CAB39L: variants seen among roughly 807,000 people sequenced by gnomAD.
CAB39L encodes the protein calcium-binding protein 39-like.
A neutral mutation model predicts 39.1 loss-of-function variants in CAB39L; 23 were observed. The observed-to-expected ratio is 0.59, with a 90% CI of 0.42 to 0.83. The LOEUF (loss-of-function observed/expected upper bound fraction) is 0.83. Among genes scored for constraint, CAB39L ranks in the 40% least tolerant of loss-of-function variants. The pLI is 0.00. For synonymous variants in CAB39L, 126 were observed against 137.2 expected, an observed-to-expected ratio of 0.92 and a Z score of 0.57; for missense variants, 366 against 391.9, an observed-to-expected ratio of 0.93 and a Z score of 0.56.
At chr13:49,406,166 GCTCTT>G (rs1566122589) in intron 3 of CAB39L, among the ~76,000 whole-genome samples, 1 of 144,120 alleles carries the variant, frequency 6.9e-6, no homozygotes. Context: ...CAATTGGAAT[GCTCTT>G]TTTTTTTTTT....
chr13:49,417,463 C>T (rs1225098654), intron 3 of CAB39L, among the ~76,000 whole-genome samples: 1 of 152,178 alleles, frequency 6.6e-6, no homozygotes, highest in Non-Finnish European at 1.5e-5. Flanking sequence ...TTTAACACTA[C>T]TGTACCAGAT....
chr13:49,373,089 G>T (rs191064812), intron 5 of CAB39L, among the ~76,000 whole-genome samples: 2 of 152,260 alleles, frequency 1.3e-5, no homozygotes. Flanking sequence ...TTTATGAAAG[G>T]TTCCTCAGTC....
At position 49,332,067 on chromosome 13, in the gene CAB39L, G is replaced by C. The variant is rs1954716419; in HGVS notation, c.714C>G (p.Asp238Glu). Residue 238 changes from aspartate to glutamate, a missense_variant, in exon 10 of 11, where the codon GAC becomes GAG. By Grantham distance (45) the Asp-to-Glu change is conservative. Coordinates refer to ENST00000409308, the MANE Select transcript of CAB39L (RefSeq NM_001079670.3). ...TTGTCATGATGGCAAAGTTGTGACGGTCCAGGATCAGCTCCCCTAGCAGCT... is the reference window on the plus strand; with the variant it reads ...TTGTCATGATGGCAAAGTTGTGACGCTCCAGGATCAGCTCCCCTAGCAGCT... ...SLKLLGELIL[D>E]RHNFAIMTKY... 1 of 1,613,824 alleles carries C rather than the reference G, an allele frequency of 6.2e-7. No individual in the cohort carries two copies. Among genetic ancestry groups the C allele is most frequent in the Non-Finnish European group, 8.5e-7 (1 of 1,179,814 alleles).
intron 5 of CAB39L, among the ~76,000 whole-genome samples, chr13:49,369,822 A>G (rs1291252798): frequency 6.6e-6 from 1 of 152,044 alleles, no homozygotes; most frequent in Non-Finnish European, 1.5e-5. Flanking sequence ...TCCTGACCTC[A>G]TGATCTGCCC....
At chr13:49,429,664 C>T (rs550006062) in intron 3 of CAB39L, among the ~76,000 whole-genome samples, 1 of 152,268 alleles carries the variant, frequency 6.6e-6, no homozygotes, top group South Asian at 2.1e-4. Flanking sequence ...AAAGATGCTA[C>T]CAGCATGAGT....
rs754701964 is a variant in CAB39L, at chr13:49,310,801, G to C, written c.*13C>G. The C allele has an allele frequency of 1.2e-6, 2 of 1,612,556 alleles. No individual in the cohort carries two copies. The highest frequency in any genetic ancestry group is 2.7e-5 in the African/African-American group (2 of 74,828). The stretch of plus-strand genomic sequence containing the variant: ...AATGAGACGACTGACTGTGACAGGG[G>C]CCGGGGAGCTCTTCAAGGGGCCGTT... On this transcript the variant is annotated 3_prime_UTR_variant, in exon 11 of 11. Coordinates refer to ENST00000409308, the MANE Select transcript of CAB39L (RefSeq NM_001079670.3).
intron 1 of CAB39L, among the ~76,000 whole-genome samples, chr13:49,441,417 A>C (rs1957521212): frequency 6.6e-6 from 1 of 151,900 alleles, no homozygotes; most frequent in Non-Finnish European, 1.5e-5. Context: ...TCTCCAAAAA[A>C]TTAGCCAGGC....
At chr13:49,319,054 G>A (rs1954273162) in intron 10 of CAB39L, among the ~76,000 whole-genome samples, 1 of 152,102 alleles carries the variant, frequency 6.6e-6, no homozygotes, top group Non-Finnish European at 1.5e-5. Flanking sequence ...GACCAGCCTA[G>A]CCAACATAGT....
rs1954708176 is a variant in CAB39L at position 49,331,868 on chromosome 13, G to A, written c.834+79C>T. The A allele has an allele frequency of 1.5e-6, 2 of 1,320,986 alleles. 1 individual carries two copies. Among genetic ancestry groups the A allele is most frequent in the Middle Eastern group, 3.8e-4 (2 of 5,230 alleles). 81.8% of individuals were successfully genotyped at this position (1,320,986 alleles called of 1,614,324 possible). A position where few individuals can be genotyped will look rare whatever the true frequency, so the allele number is the denominator to read the frequency against. ...CATTTTCTTTCAAGTATGAAGGAGA[G>A]TAAAGAGCAGGGAGTTTGCCATTTG... On this transcript the variant is annotated intron_variant, in intron 10 of 10. Coordinates refer to ENST00000409308, the MANE Select transcript of CAB39L (RefSeq NM_001079670.3).
rs373409775 is a variant in CAB39L at position 49,310,820 on chromosome 13, G to C, written c.1008C>G (p.Ala336=). The change falls in exon 11 of 11, where the codon GCC becomes GCG. Residue 336 remains alanine (A), a synonymous_variant. Coordinates refer to ENST00000409308, the MANE Select transcript of CAB39L (RefSeq NM_001079670.3). ...ACAGGGGCCGGGGAGCTCTTCAAGG[G>C]GCCGTTTTCTTCAAGTCTCGGATCT... The part of the protein sequence containing the change: ...IKQIRDLKKT[A]P The C allele has an allele frequency of 4.2e-5, 67 of 1,613,774 alleles. No individual in the cohort carries two copies. Among genetic ancestry groups the C allele is most frequent in the Non-Finnish European group, 5.5e-5 (65 of 1,179,878 alleles).
At chr13:49,322,931 T>C (rs1164902815) in intron 10 of CAB39L, among the ~76,000 whole-genome samples, 3 of 152,250 alleles carry the variant, frequency 2.0e-5, no homozygotes, top group African/African-American at 7.2e-5. Context: ...GCTTGCATTA[T>C]GATATTCTAT....
At chr13:49,364,006 C>A (rs1566091512) in intron 5 of CAB39L, among the ~76,000 whole-genome samples, 1 of 151,722 alleles carries the variant, frequency 6.6e-6, no homozygotes, top group Non-Finnish European at 1.5e-5. Flanking sequence ...CAAACAAAAC[C>A]AAGCAGGAGT....
At chr13:49,329,003 A>G (rs1942696600) in intron 10 of CAB39L, among the ~76,000 whole-genome samples, 1 of 152,192 alleles carries the variant, frequency 6.6e-6, no homozygotes, top group African/African-American at 2.4e-5. Flanking sequence ...ACTGCAGGGT[A>G]AGATTCTCTA....
chr13:49,360,684 G>A (rs1955607376), intron 5 of CAB39L, among the ~76,000 whole-genome samples: 3 of 152,096 alleles, frequency 2.0e-5, no homozygotes, highest in Non-Finnish European at 4.4e-5. Context: ...ATGTGTGGAG[G>A]GCAGGACCTG....
chr13:49,374,479 A>G (rs1956005074), intron 5 of CAB39L, among the ~76,000 whole-genome samples: 2 of 152,244 alleles, frequency 1.3e-5, no homozygotes, highest in Non-Finnish European at 2.9e-5. Context: ...TACTTGATAA[A>G]AATGTACAAG....
intron 8 of CAB39L, among the ~76,000 whole-genome samples, chr13:49,343,262 T>C (rs1407401316): frequency 1.3e-5 from 2 of 152,176 alleles, no homozygotes; most frequent in Non-Finnish European, 2.9e-5. Flanking sequence ...GTAACAACGA[T>C]TAAAAACTAA....
At chr13:49,348,527 C>G (rs1955246690) in intron 7 of CAB39L, among the ~76,000 whole-genome samples, 1 of 152,120 alleles carries the variant, frequency 6.6e-6, no homozygotes, top group Non-Finnish European at 1.5e-5. Flanking sequence ...GAGATTGCAC[C>G]ACTGCACTCC....
rs79705702 is a variant in CAB39L at position 49,327,086 on chromosome 13, G to A, written c.834+4861C>T. Among the ~76,000 whole-genome samples the A allele has an allele frequency of 1.8e-3, 271 of 152,016 alleles. 2 individuals carry two copies. The highest frequency in any genetic ancestry group is 6.2e-3 in the African/African-American group (255 of 41,446). Reference sequence around the variant, plus strand: ...AATTCTAACACATGGAAGAGTACAAGAGTAACATATCAGACTTCATATTCC... The same window carrying A: ...AATTCTAACACATGGAAGAGTACAAAAGTAACATATCAGACTTCATATTCC... On this transcript the variant is annotated intron_variant, in intron 10 of 10. Transcript: ENST00000409308.
rs1202257680 is a variant in CAB39L at position 49,375,668 on chromosome 13, G to A, written c.276+1299C>T. Among the ~76,000 whole-genome samples, 6 of 151,942 alleles carry A rather than the reference G, an allele frequency of 3.9e-5. No individual in the cohort carries two copies. The East Asian group carries it at 1.2e-3, about 29-fold the overall frequency. On this transcript the variant is annotated intron_variant, in intron 5 of 10. Coordinates refer to ENST00000409308, the MANE Select transcript of CAB39L (RefSeq NM_001079670.3). ...TTGTGGGGTCGGGGGAGCGGGGAGG[G>A]ATAGCATAAGGAGATATACCTAATG... is the stretch of plus-strand genomic sequence containing the variant.
Sources: allele counts gnomAD v4.1 joint callset (sites outside exome capture counted in the v4.1 genomes callset), GRCh38; gene constraint gnomAD v4.1.1; transcripts MANE v1.5; gene names NCBI Gene and HGNC (gene_info 2026-07-23, HGNC 2026-07-21).